Variants in OR1J2 observed in about 807,000 individuals in gnomAD.
The protein encoded by OR1J2 is olfactory receptor 1J2.
For synonymous variants in OR1J2, 142 were observed against 99.7 expected, an observed-to-expected ratio of 1.42 and a Z score of -2.52; for missense variants, 304 against 246.1, an observed-to-expected ratio of 1.24 and a Z score of -1.57.
the OR1J2 span, among the ~76,000 whole-genome samples, chr9:122,484,629 C>T: frequency 6.6e-5 from 10 of 152,098 alleles, no homozygotes; most frequent in Non-Finnish European, 1.2e-4. Flanking sequence ...AGAATCCATG[C>T]TCTGAAAATT....
At chr9:122,567,554 T>G in the OR1J2 span, 2 of 1,571,206 alleles carry the variant, frequency 1.3e-6, no homozygotes, top group South Asian at 2.4e-5. Flanking sequence ...CTTCCTAGGA[T>G]CTCTTGCTCA....
chr9:122,514,268 T>C (rs895041563), downstream of OR1J2, among the ~76,000 whole-genome samples: 1 of 152,184 alleles, frequency 6.6e-6, no homozygotes, highest in African/African-American at 2.4e-5. Context: ...TAGTACCCAA[T>C]AGTTGGTTTT....
the OR1J2 span, among the ~76,000 whole-genome samples, chr9:122,561,762 A>G: frequency 6.6e-6 from 1 of 152,138 alleles, no homozygotes; most frequent in Non-Finnish European, 1.5e-5. Context: ...GCCAGCAGGA[A>G]TGCTTCTGTA....
chr9:122,511,586 C>A lies in OR1J2; in HGVS notation c.785C>A (p.Pro262Gln), dbSNP rs137903636. The change falls in exon 1 of 1, where the codon CCG becomes CAG. Residue 262 changes from proline to glutamine, a missense_variant. Physicochemically the swap from Pro to Gln is moderately conservative, Grantham distance 76. Coordinates refer to ENST00000335302, the MANE Select transcript of OR1J2 (RefSeq NM_054107.1). ...TCAATATTTGGCCAGTACCTTTTCCCGACTGTAAGCAGTTCTATTGACAAG... is the reference window on the plus strand; with the variant it reads ...TCAATATTTGGCCAGTACCTTTTCCAGACTGTAAGCAGTTCTATTGACAAG... Reference protein sequence around the residue: ...YGSIFGQYLFPTVSSSIDKDV... With the variant: ...YGSIFGQYLFQTVSSSIDKDV... 1.3e-6 allele frequency: 1 copy of A among 781,024 alleles called. No homozygotes were observed. Among genetic ancestry groups the A allele is most frequent in the Non-Finnish European group, 2.4e-6 (1 of 418,112 alleles). 48.4% of individuals were successfully genotyped at this position (781,024 alleles called of 1,614,324 possible). A position where few individuals can be genotyped will look rare whatever the true frequency, so the allele number is the denominator to read the frequency against.
rs769417434 is a variant in OR1J2 at position 122,511,425 on chromosome 9, C to T, written c.624C>T (p.Thr208=). The stretch of plus-strand genomic sequence containing the variant: ...TCACAGTAGGGGTGGTGGTCATTAC[C>T]CTGCCATTCATGTGTATCCTGGTAT... ...VMFTVGVVVI[T]LPFMCILVSY... The change falls in exon 1 of 1, where the codon ACC becomes ACT. Residue 208 remains threonine (T), a synonymous_variant. Coordinates refer to ENST00000335302, the MANE Select transcript of OR1J2 (RefSeq NM_054107.1). 6.5e-5 allele frequency: 50 copies of T among 773,324 alleles called. No homozygotes were observed. The Middle Eastern group carries it at 9.1e-4, about 14-fold the overall frequency. The allele number at this position is 773,324 out of a possible 1,614,324, so 47.9% of individuals were successfully genotyped here.
chr9:122,448,883 A>G, the OR1J2 span: 4 of 151,622 alleles, frequency 2.6e-5, no homozygotes, highest in African/African-American at 9.7e-5. Context: ...TCCTTTCTAC[A>G]TAGACACAGT....
the OR1J2 span, among the ~76,000 whole-genome samples, chr9:122,548,530 TTA>T: frequency 1.3e-5 from 2 of 152,066 alleles, no homozygotes; most frequent in East Asian, 1.9e-4. Context: ...TAGGAGATGG[TTA>T]TATGTTTTCT....
chr9:122,485,453 A>G, the OR1J2 span, among the ~76,000 whole-genome samples: 5 of 152,214 alleles, frequency 3.3e-5, no homozygotes, highest in Non-Finnish European at 7.3e-5. Context: ...ACCATTCTTC[A>G]GATTATCTGG....
At chr9:122,520,802 T>C in the OR1J2 span, among the ~76,000 whole-genome samples, 2 of 152,262 alleles carry the variant, frequency 1.3e-5, no homozygotes, top group African/African-American at 4.8e-5. Flanking sequence ...GTCTTTCTTA[T>C]TGAAAAGCAT....
chr9:122,478,018 G>C, the OR1J2 span: 2 of 873,300 alleles, frequency 2.3e-6, no homozygotes, highest in Admixed American at 2.6e-5. Context: ...TAGTATAATA[G>C]AGATGTTCTT....
the OR1J2 span, among the ~76,000 whole-genome samples, chr9:122,577,513 G>T: frequency 1.2e-3 from 177 of 152,168 alleles, 4 homozygotes; most frequent in Non-Finnish European, 2.2e-4. Context: ...ATTCACAAAA[G>T]AATACAAGGT....
chr9:122,538,230 G>A, the OR1J2 span, among the ~76,000 whole-genome samples: 8 of 143,688 alleles, frequency 5.6e-5, no homozygotes, highest in East Asian at 8.7e-4. Context: ...TAATTCAACC[G>A]AGGACCCACC....
upstream of OR1J2, among the ~76,000 whole-genome samples, chr9:122,509,386 A>G (rs561774451): frequency 1.3e-5 from 2 of 152,334 alleles, no homozygotes; most frequent in East Asian, 3.9e-4. Flanking sequence ...GATGAGTGTT[A>G]TTGCCTAGGG....
At chr9:122,451,729 A>G in the OR1J2 span, among the ~76,000 whole-genome samples, 2 of 152,220 alleles carry the variant, frequency 1.3e-5, no homozygotes, top group Non-Finnish European at 2.9e-5. Context: ...GGACATTAAT[A>G]TAATCATGTC....
At chr9:122,538,047 A>T in the OR1J2 span, among the ~76,000 whole-genome samples, 3 of 151,506 alleles carry the variant, frequency 2.0e-5, no homozygotes, top group Admixed American at 6.6e-5. Flanking sequence ...GTGTCGGGGG[A>T]TGGAATTTTC....
At chr9:122,479,760 G>A in the OR1J2 span, among the ~76,000 whole-genome samples, 1 of 152,168 alleles carries the variant, frequency 6.6e-6, no homozygotes, top group East Asian at 1.9e-4. Context: ...ATGTTTCCAT[G>A]TTCCTTTCTC....
chr9:122,513,606 A>C (rs970647408), downstream of OR1J2, among the ~76,000 whole-genome samples: 46 of 151,846 alleles, frequency 3.0e-4, no homozygotes, highest in African/African-American at 1.1e-3. Context: ...TACGTGTACC[A>C]TGGTGGTTTG....
the OR1J2 span, among the ~76,000 whole-genome samples, chr9:122,489,618 A>G: frequency 6.6e-6 from 1 of 152,202 alleles, no homozygotes; most frequent in Non-Finnish European, 1.5e-5. Context: ...TTTTTCAATA[A>G]CCAATGTATA....
At chr9:122,519,180 C>G in the OR1J2 span, 1 of 1,612,950 alleles carries the variant, frequency 6.2e-7, no homozygotes, top group Non-Finnish European at 8.5e-7. Context: ...TGAGTTCCTC[C>G]TCCTGGACCT....
Sources: allele counts gnomAD v4.1 joint callset (sites outside exome capture counted in the v4.1 genomes callset), GRCh38; gene constraint gnomAD v4.1.1; transcripts MANE v1.5; gene names NCBI Gene and HGNC (gene_info 2026-07-23, HGNC 2026-07-21).